GAN: variants seen among roughly 807,000 people sequenced by gnomAD.
GAN encodes gigaxonin.
Under a neutral mutation model 71.3 loss-of-function variants are expected in GAN, and 48 were observed. The ratio of observed to expected loss-of-function variants is 0.67; its 90% CI spans 0.53 to 0.86. The LOEUF (loss-of-function observed/expected upper bound fraction) is 0.86. Among genes scored for constraint, GAN ranks in the 40% least tolerant of loss-of-function variants. The pLI, the probability that GAN is intolerant of heterozygous loss-of-function variation, is 0.00. For synonymous variants in GAN, 386 were observed against 276.8 expected (o/e 1.39, Z -3.92); for missense variants, 928 against 770.1 (o/e 1.21, Z -2.43).
chr16:81,376,745 G>A (rs1346824504), intron 9 of GAN, among the ~76,000 whole-genome samples: 2 of 151,906 alleles, frequency 1.3e-5, no homozygotes, highest in Non-Finnish European at 2.9e-5. Context: ...GAATGTGGTG[G>A]TGCACACCTG....
intron 1 of GAN, among the ~76,000 whole-genome samples, 171 bp downstream of exon 1, chr16:81,315,451 G>A (rs1167766939): frequency 6.6e-6 from 1 of 151,884 alleles, no homozygotes; most frequent in Non-Finnish European, 1.5e-5. Flanking sequence ...CGGCCCCGCT[G>A]ACCGCGTCCC....
Position 81,365,029 on chromosome 16 carries a change from A to G in GAN, c.1292A>G (p.Tyr431Cys). The part of the protein sequence containing the change: ...KKIYAMGGGS[Y>C]GKLFESVECY... ...ATCTACGCCATGGGTGGAGGCTCCTACGGAAAGCTTTTTGAGTCTGTAGAG... is the reference window on the plus strand; with the variant it reads ...ATCTACGCCATGGGTGGAGGCTCCTGCGGAAAGCTTTTTGAGTCTGTAGAG... The change falls in exon 8 of 11, where the codon TAC becomes TGC. Residue 431 changes from tyrosine to cysteine, a missense_variant. Physicochemically the swap from Tyr to Cys is radical, Grantham distance 194 (BLOSUM62 -2). Coordinates refer to ENST00000648994, the MANE Select transcript of GAN (RefSeq NM_022041.4). 6.2e-7 allele frequency: 1 copy of G among 1,613,576 alleles called. No individual in the cohort carries two copies. The highest frequency in any genetic ancestry group is 1.3e-5 in the African/African-American group (1 of 75,030).
rs977382305 is a variant in GAN, at chr16:81,346,512, G to A, written c.168-5071G>A. On this transcript the variant is annotated intron_variant, in intron 1 of 10. Transcript: ENST00000648994. ...TGGCATTAGATTCTCATAGGAGCGC[G>A]AACCCTATTGTGAATTGGGCATGTG... Among the ~76,000 whole-genome samples the A allele has an allele frequency of 4.6e-5, 7 of 152,148 alleles. No homozygotes were observed. The South Asian group carries it at 1.0e-3, about 23-fold the overall frequency.
rs368910322 is a variant in GAN at position 81,357,879 on chromosome 16, C to T, written c.921C>T (p.Ile307=). Residue 307 remains isoleucine (I), a synonymous_variant, in exon 5 of 11, where the codon ATC becomes ATT. Coordinates refer to ENST00000648994, the MANE Select transcript of GAN (RefSeq NM_022041.4). The stretch of plus-strand genomic sequence containing the variant: ...ATGACCCTAACAGGCAGCTTTGGAT[C>T]GAACTGGCCCCTTTAAGCATGCCGA... ...PLYDPNRQLW[I]ELAPLSMPRI... 2.7e-5 allele frequency: 44 copies of T among 1,613,518 alleles called. No individual in the cohort carries two copies. Among genetic ancestry groups the T allele is most frequent in the Non-Finnish European group, 3.2e-5 (38 of 1,179,584 alleles).
intron 1 of GAN, among the ~76,000 whole-genome samples, chr16:81,330,148 G>T (rs1021991139): frequency 3.9e-5 from 6 of 152,202 alleles, no homozygotes; most frequent in African/African-American, 1.4e-4. Flanking sequence ...GCTTTCATCA[G>T]TTCTGACTTG....
chr16:81,315,237 C>T lies in GAN; in HGVS notation c.124C>T (p.Pro42Ser). 1.3e-6 allele frequency: 2 copies of T among 1,582,234 alleles called. No homozygotes were observed. The highest frequency in any genetic ancestry group is 8.6e-7 in the Non-Finnish European group (1 of 1,166,350). The change falls in exon 1 of 11, where the codon CCG becomes TCG. Residue 42 changes from proline to serine, a missense_variant. Physicochemically the swap from Pro to Ser is moderately conservative, Grantham distance 74 (BLOSUM62 -1). Coordinates refer to ENST00000648994, the MANE Select transcript of GAN (RefSeq NM_022041.4). ...AHLVLDGEEI[P>S]VQKNILAAAS... Reference sequence around the variant, plus strand: ...CCTGGTCCTCGACGGGGAGGAGATCCCGGTGCAGAAGAACATCCTGGCGGC... The same window carrying T: ...CCTGGTCCTCGACGGGGAGGAGATCTCGGTGCAGAAGAACATCCTGGCGGC...
In GAN at chr16:81,377,759, T is replaced by C. The variant is rs1904286986; in HGVS notation, c.*163T>C. The C allele has an allele frequency of 5.6e-6, 4 of 708,724 alleles. No individual in the cohort carries two copies. The Admixed American group carries it at 9.0e-5, about 16-fold the overall frequency. The allele number at this position is 708,724 out of a possible 1,614,324, so 43.9% of individuals were successfully genotyped here. ...TTACAAACTTGAGCTTTAGCTCTTG[T>C]TTGGGAGAACACGTAACTGTTGAAA... On this transcript the variant is annotated 3_prime_UTR_variant, in exon 11 of 11. Transcript: ENST00000648994.
At chr16:81,333,750 TGCGGTGAGAG>T (rs1412128640) in intron 1 of GAN, among the ~76,000 whole-genome samples, 1 of 152,204 alleles carries the variant, frequency 6.6e-6, no homozygotes, top group Non-Finnish European at 1.5e-5. Flanking sequence ...TCTCACCTGG[TGCGGTGAGAG>T]GCTAGCTACA....
intron 5 of GAN, among the ~76,000 whole-genome samples, chr16:81,361,839 C>G (rs943614268): frequency 6.6e-6 from 1 of 152,064 alleles, no homozygotes; most frequent in African/African-American, 2.4e-5. Flanking sequence ...AGACTATAGA[C>G]AAATACCACA....
Position 81,378,872 on chromosome 16 carries a change from G to C in GAN, c.*1276G>C, listed in dbSNP as rs1415597367. On this transcript the variant is annotated 3_prime_UTR_variant, in exon 11 of 11. Transcript: ENST00000648994. ...GGGGGAAAAATGTCTTTCGTTCGTG[G>C]AACGTATCTTGTAAGATATTTTGTT... 6.6e-6 allele frequency: 1 copy of C among 152,498 alleles called. No homozygotes were observed. The highest frequency in any genetic ancestry group is 1.5e-5 in the Non-Finnish European group (1 of 68,014). 9.4% of individuals were successfully genotyped at this position (152,498 alleles called of 1,614,324 possible).
intron 1 of GAN, among the ~76,000 whole-genome samples, chr16:81,349,558 C>G (rs1472498651): frequency 6.6e-6 from 1 of 152,126 alleles, no homozygotes; most frequent in African/African-American, 2.4e-5. Context: ...GCAGGAGAAT[C>G]ACTTGAACCC....
At chr16:81,332,929 G>C (rs890419850) in intron 1 of GAN, among the ~76,000 whole-genome samples, 1 of 152,100 alleles carries the variant, frequency 6.6e-6, no homozygotes, top group Non-Finnish European at 1.5e-5. Flanking sequence ...GTTTGATCAC[G>C]TTATTTAAGA....
chr16:81,379,307 T>C lies in GAN; in HGVS notation c.*1711T>C, dbSNP rs1294858630. The C allele has an allele frequency of 6.6e-6, 1 of 152,232 alleles. No individual in the cohort carries two copies. The highest frequency in any genetic ancestry group is 1.5e-5 in the Non-Finnish European group (1 of 68,038). 9.4% of individuals were successfully genotyped at this position (152,232 alleles called of 1,614,324 possible). A position where few individuals can be genotyped will look rare whatever the true frequency, so the allele number is the denominator to read the frequency against. On this transcript the variant is annotated 3_prime_UTR_variant, in exon 11 of 11. Coordinates refer to ENST00000648994, the MANE Select transcript of GAN (RefSeq NM_022041.4). Reference sequence around the variant, plus strand: ...TGCGTCAAAAGTTGCTGAAAGATGCTGTGCCTATGGGGTTCTAGAGAGTGT... The same window carrying C: ...TGCGTCAAAAGTTGCTGAAAGATGCCGTGCCTATGGGGTTCTAGAGAGTGT...
intron 7 of GAN, among the ~76,000 whole-genome samples, chr16:81,364,167 C>T (rs1288355680): frequency 2.0e-5 from 3 of 152,212 alleles, no homozygotes; most frequent in African/African-American, 7.2e-5. Flanking sequence ...CCCTGTGCAG[C>T]ACCGCTGTGT....
intron 1 of GAN, among the ~76,000 whole-genome samples, chr16:81,341,539 A>G (rs1198523351): frequency 6.6e-6 from 1 of 152,228 alleles, no homozygotes; most frequent in Non-Finnish European, 1.5e-5. Flanking sequence ...ACTAAGCTTC[A>G]TAAGTGAAGG....
intron 9 of GAN, among the ~76,000 whole-genome samples, chr16:81,374,552 C>G (rs375596264): frequency 3.3e-5 from 5 of 152,180 alleles, no homozygotes; most frequent in Non-Finnish European, 5.9e-5. Context: ...TAATGTTTTC[C>G]AATTATTTAT....
At chr16:81,345,034 A>G (rs1910070905) in intron 1 of GAN, among the ~76,000 whole-genome samples, 1 of 152,242 alleles carries the variant, frequency 6.6e-6, no homozygotes, top group Non-Finnish European at 1.5e-5. Context: ...AGAAATGCAA[A>G]TCAAAACCAC....
At chr16:81,374,203 T>G (rs545730901) in intron 9 of GAN, among the ~76,000 whole-genome samples, 1 of 152,370 alleles carries the variant, frequency 6.6e-6, no homozygotes, top group African/African-American at 2.4e-5. Context: ...TATTACACAC[T>G]TCTCTGCATC....
intron 6 of GAN, among the ~76,000 whole-genome samples, chr16:81,363,386 G>A (rs1910742731): frequency 6.6e-6 from 1 of 152,230 alleles, no homozygotes; most frequent in African/African-American, 2.4e-5. Flanking sequence ...TGTGCTGGAA[G>A]AGTGGGCTGT....
Sources: gnomAD v4.1 joint callset for allele counts (sites outside exome capture counted in the v4.1 genomes callset) on GRCh38, gnomAD v4.1.1 for gene constraint, MANE v1.5 for transcripts, NCBI Gene and HGNC (gene_info 2026-07-23, HGNC 2026-07-21) for gene names.